The following FLT1 variants were observed in gnomAD, a reference collection of about 807,000 sequenced individuals.
The protein encoded by FLT1 is fms related receptor tyrosine kinase 1, also known as vascular endothelial growth factor receptor 1.
Under a neutral mutation model 156.3 loss-of-function variants are expected in FLT1, and 49 were observed. The observed-to-expected ratio is 0.31, with a 90% CI of 0.25 to 0.40. FLT1 has a LOEUF of 0.40. FLT1 is among the 10% of genes least tolerant of loss of function. The pLI is 1.00. For missense variants in FLT1, 1,322 were observed against 1,637.2 expected (o/e 0.81, Z 3.32); for synonymous variants, 594 against 583.8 (o/e 1.02, Z -0.25).
chr13:28,301,782 C>T lies in FLT1; in HGVS notation c.*1385G>A, dbSNP rs994147798. 8.6e-6 allele frequency: 2 copies of T among 233,440 alleles called. No homozygotes were observed. The highest frequency in any genetic ancestry group is 4.4e-5 in the African/African-American group (2 of 45,342). 14.5% of individuals were successfully genotyped at this position (233,440 alleles called of 1,614,324 possible). A position where few individuals can be genotyped will look rare whatever the true frequency, so the allele number is the denominator to read the frequency against. ...ACCCTGTCTCCCTATTCCCATCATG[C>T]TCAGACCCCAGGCAAGTTTCAAAGC... is the stretch of plus-strand genomic sequence containing the variant. On this transcript the variant is annotated 3_prime_UTR_variant, in exon 30 of 30. Transcript: ENST00000282397.
chr13:28,433,374 T>C (rs1877815749), intron 6 of FLT1, among the ~76,000 whole-genome samples: 2 of 152,236 alleles, frequency 1.3e-5, no homozygotes, highest in South Asian at 4.1e-4. Context: ...TTTCCAAACA[T>C]GCTCCAATCA....
intron 1 of FLT1, among the ~76,000 whole-genome samples, chr13:28,490,301 C>T (rs561361257): frequency 6.6e-6 from 1 of 152,344 alleles, no homozygotes; most frequent in South Asian, 2.1e-4. Flanking sequence ...TTTCAGGCAT[C>T]CAGCTTTACC....
chr13:28,319,604 G>A, intron 23 of FLT1, 70 bp from the exon 24 acceptor site: 1 of 855,646 alleles, frequency 1.2e-6, no homozygotes, highest in Non-Finnish European at 2.0e-6. Context: ...GAGTGTCCAT[G>A]GGGTCACCTC....
At chr13:28,321,384 G>A (rs1174831730) in intron 23 of FLT1, 79 bp downstream of exon 23, 1 of 1,513,184 alleles carries the variant, frequency 6.6e-7, no homozygotes, top group Non-Finnish European at 9.1e-7. Context: ...TACAGCTGAG[G>A]AAGTGTAAAT....
At chr13:28,329,590 A>G (rs753418789) in intron 19 of FLT1, 25 bp downstream of exon 19, 2 of 1,504,050 alleles carry the variant, frequency 1.3e-6, no homozygotes, top group Non-Finnish European at 1.9e-6. Context: ...GGGGAGACGG[A>G]GCCGGCCCTC....
intron 13 of FLT1, chr13:28,387,468 T>C (rs1874428662): frequency 1.9e-6 from 2 of 1,059,428 alleles, no homozygotes; most frequent in Non-Finnish European, 2.3e-6. Context: ...TTTAACAGTG[T>C]AGCTGATCCC....
chr13:28,475,112 A>G (rs1033434821), intron 1 of FLT1, among the ~76,000 whole-genome samples: 3 of 152,176 alleles, frequency 2.0e-5, no homozygotes, highest in African/African-American at 7.2e-5. Context: ...ACATGTTGCA[A>G]AAAACTTGCT....
At chr13:28,399,203 A>G (rs1276756646) in intron 11 of FLT1, 1 of 815,238 alleles carries the variant, frequency 1.2e-6, no homozygotes, top group South Asian at 2.4e-5. Context: ...GCAGTATGCA[A>G]AAAATTCAGA....
chr13:28,426,832 A>C (rs968432756), intron 10 of FLT1, among the ~76,000 whole-genome samples: 4 of 152,226 alleles, frequency 2.6e-5, no homozygotes, highest in African/African-American at 9.6e-5. Context: ...GGTATTGCCA[A>C]AGTCTAGGGA....
intron 8 of FLT1, among the ~76,000 whole-genome samples, chr13:28,429,283 T>G (rs1182128713): frequency 6.6e-6 from 1 of 152,206 alleles, no homozygotes; most frequent in African/African-American, 2.4e-5. Flanking sequence ...AAATCAGCTC[T>G]GGTTAGGGAG....
At chr13:28,335,022 G>C (rs1845121717) in intron 17 of FLT1, among the ~76,000 whole-genome samples, 1 of 152,124 alleles carries the variant, frequency 6.6e-6, no homozygotes, top group African/African-American at 2.4e-5. Flanking sequence ...AAGTCTCCTA[G>C]TCATAGGTAA....
chr13:28,479,586 G>A (rs544919890), intron 1 of FLT1, among the ~76,000 whole-genome samples: 1 of 152,272 alleles, frequency 6.6e-6, no homozygotes, highest in Non-Finnish European at 1.5e-5. Flanking sequence ...GGAAGGAAAA[G>A]TAATCCATTA....
intron 3 of FLT1, among the ~76,000 whole-genome samples, chr13:28,464,970 C>G (rs1256074660): frequency 6.6e-6 from 1 of 152,208 alleles, no homozygotes; most frequent in Non-Finnish European, 1.5e-5. Flanking sequence ...CCTATAGAGA[C>G]AGGGGCAGTC....
chr13:28,328,734 T>C (rs952401849), intron 19 of FLT1, among the ~76,000 whole-genome samples: 1 of 152,184 alleles, frequency 6.6e-6, no homozygotes, highest in Non-Finnish European at 1.5e-5. Flanking sequence ...GGGGCTTCCA[T>C]GCTGGCGCCC....
At chr13:28,368,306 C>A (rs1385908429) in intron 14 of FLT1, 2 of 524,700 alleles carry the variant, frequency 3.8e-6, no homozygotes, top group East Asian at 7.5e-5. Context: ...GCATGAGCCA[C>A]CATGCCTGGC....
intron 3 of FLT1, among the ~76,000 whole-genome samples, chr13:28,451,387 C>A (rs1425619127): frequency 6.6e-6 from 1 of 152,224 alleles, no homozygotes; most frequent in African/African-American, 2.4e-5. Flanking sequence ...CGTGCCACTG[C>A]CCTCCAGCCC....
At chr13:28,380,625 TG>T in intron 14 of FLT1, among the ~76,000 whole-genome samples, 1 of 151,874 alleles carries the variant, frequency 6.6e-6, no homozygotes, top group South Asian at 2.1e-4. Context: ...TTATATGACC[TG>T]TTTTTAGATA....
intron 1 of FLT1, among the ~76,000 whole-genome samples, chr13:28,476,302 C>T (rs184365804): frequency 3.3e-4 from 50 of 152,214 alleles, no homozygotes; most frequent in African/African-American, 1.2e-4. Context: ...TCTTTCTAGG[C>T]GGGGATTTAG....
intron 1 of FLT1, among the ~76,000 whole-genome samples, chr13:28,481,222 T>C (rs968589751): frequency 1.3e-5 from 2 of 152,142 alleles, no homozygotes; most frequent in East Asian, 3.8e-4. Flanking sequence ...AAGGAAAATA[T>C]CTCCTGGGAA....
Sources: allele counts gnomAD v4.1 joint callset (sites outside exome capture counted in the v4.1 genomes callset), GRCh38; gene constraint gnomAD v4.1.1; transcripts MANE v1.5; gene names NCBI Gene and HGNC (gene_info 2026-07-23, HGNC 2026-07-21).